Variants in MITF observed in about 807,000 individuals in gnomAD.
The protein encoded by MITF is melanocyte inducing transcription factor.
A neutral mutation model predicts 60.5 loss-of-function variants in MITF; 17 were observed. That is an observed-to-expected ratio of 0.28 (90% confidence interval 0.19 to 0.42). The LOEUF (loss-of-function observed/expected upper bound fraction) is 0.42. Among genes scored for constraint, MITF ranks in the 10% least tolerant of loss-of-function variants. The pLI is 1.00. For synonymous variants in MITF, 260 were observed against 248.5 expected (o/e 1.05, Z -0.43); for missense variants, 622 against 683.5 (o/e 0.91, Z 1.00).
At chr3:69,797,341 A>G (rs1267478136) in intron 1 of MITF, among the ~76,000 whole-genome samples, 1 of 152,224 alleles carries the variant, frequency 6.6e-6, no homozygotes, top group Non-Finnish European at 1.5e-5. Flanking sequence ...TCTACAAATC[A>G]TATAAATGAA....
intron 1 of MITF, among the ~76,000 whole-genome samples, chr3:69,773,547 G>C (rs547868395): frequency 5.3e-5 from 8 of 152,276 alleles, no homozygotes; most frequent in Admixed American, 6.5e-5. Context: ...AACAATGCTT[G>C]TGGGTTGGAT....
intron 3 of MITF, 71 bp downstream of exon 3, chr3:69,938,120 AC>A: frequency 6.7e-7 from 1 of 1,492,348 alleles, no homozygotes; most frequent in Non-Finnish European, 9.3e-7. Flanking sequence ...TGATTCCCAC[AC>A]TTAACTGTGG....
intron 1 of MITF, among the ~76,000 whole-genome samples, chr3:69,769,141 A>T (rs2062351447): frequency 6.6e-6 from 1 of 152,162 alleles, no homozygotes; most frequent in African/African-American, 2.4e-5. Context: ...TCTTTGTTGT[A>T]CTACTGTATG....
rs2066698127 is a variant in MITF at position 69,966,710 on chromosome 3, C to T, written c.*1462C>T. The T allele has an allele frequency of 4.3e-6, 1 of 232,858 alleles. No individual in the cohort carries two copies. The highest frequency in any genetic ancestry group is 2.2e-5 in the African/African-American group (1 of 45,324). The allele number at this position is 232,858 out of a possible 1,614,324, so 14.4% of individuals were successfully genotyped here. A position where few individuals can be genotyped will look rare whatever the true frequency, so the allele number is the denominator to read the frequency against. ...GCAATAACAGTAGTGTTACATGTAT[C>T]AAGCCTAGATGTTTTATACAGATGC... On this transcript the variant is annotated 3_prime_UTR_variant, in exon 10 of 10. Coordinates refer to ENST00000352241, the MANE Select transcript of MITF (RefSeq NM_001354604.2).
intron 1 of MITF, among the ~76,000 whole-genome samples, chr3:69,768,894 G>C (rs1233490035): frequency 6.6e-6 from 1 of 152,174 alleles, no homozygotes; most frequent in East Asian, 1.9e-4. Context: ...AATTTATTAG[G>C]ATGGTAATTG....
At chr3:69,749,209 C>G (rs1197572218) in intron 1 of MITF, among the ~76,000 whole-genome samples, 2 of 152,142 alleles carry the variant, frequency 1.3e-5, no homozygotes, top group Admixed American at 6.5e-5. Context: ...GCAGTGTGTC[C>G]TAAATTCGTA....
intron 1 of MITF, among the ~76,000 whole-genome samples, chr3:69,823,165 C>T (rs1384849421): frequency 4.6e-5 from 7 of 152,136 alleles, no homozygotes; most frequent in Non-Finnish European, 2.9e-5. Context: ...GGACATGAAC[C>T]GCTGCACTCG....
chr3:69,867,848 C>T (rs752483238), intron 1 of MITF, among the ~76,000 whole-genome samples: 2 of 152,146 alleles, frequency 1.3e-5, no homozygotes, highest in Admixed American at 6.5e-5. Flanking sequence ...AACTAAAATA[C>T]TTGTCGTAAG....
intron 2 of MITF, among the ~76,000 whole-genome samples, chr3:69,931,198 T>A (rs2065715099): frequency 6.6e-6 from 1 of 152,204 alleles, no homozygotes; most frequent in African/African-American, 2.4e-5. Flanking sequence ...GAGCACTAAT[T>A]CCGTTCTTTA....
At chr3:69,816,175 C>G (rs2063178631) in intron 1 of MITF, among the ~76,000 whole-genome samples, 1 of 152,130 alleles carries the variant, frequency 6.6e-6, no homozygotes, top group African/African-American at 2.4e-5. Flanking sequence ...TCTGCATATA[C>G]ACATTACTAT....
At chr3:69,743,108 T>A (rs1308197743) in intron 1 of MITF, among the ~76,000 whole-genome samples, 3 of 152,162 alleles carry the variant, frequency 2.0e-5, no homozygotes, top group Admixed American at 6.5e-5. Flanking sequence ...GATAATTCCT[T>A]GTTGTGGAGG....
chr3:69,818,538 T>A (rs763276022), intron 1 of MITF, among the ~76,000 whole-genome samples: 1 of 152,186 alleles, frequency 6.6e-6, no homozygotes, highest in Non-Finnish European at 1.5e-5. Context: ...ATTACTCACA[T>A]GCCCACCTTT....
chr3:69,923,858 T>A (rs2065524501), intron 2 of MITF, among the ~76,000 whole-genome samples: 2 of 152,214 alleles, frequency 1.3e-5, no homozygotes, highest in African/African-American at 4.8e-5. Context: ...TTTCAAAAAA[T>A]TTTAAATCTC....
At chr3:69,795,961 A>C (rs920754376) in intron 1 of MITF, among the ~76,000 whole-genome samples, 2 of 152,086 alleles carry the variant, frequency 1.3e-5, no homozygotes, top group African/African-American at 4.8e-5. Context: ...TATGAAGCAA[A>C]ATTTTAATCT....
chr3:69,911,528 A>G (rs1311602796), intron 2 of MITF, among the ~76,000 whole-genome samples: 1 of 152,242 alleles, frequency 6.6e-6, no homozygotes, highest in Non-Finnish European at 1.5e-5. Flanking sequence ...CAAAGTTGAT[A>G]AAAAGTAATA....
intron 1 of MITF, among the ~76,000 whole-genome samples, chr3:69,807,710 C>G (rs2063032329): frequency 6.6e-6 from 1 of 152,172 alleles, no homozygotes; most frequent in Admixed American, 6.5e-5. Context: ...TCAAAATGTT[C>G]TTTAAACAGC....
chr3:69,940,801 G>T (rs1482439756), intron 4 of MITF, among the ~76,000 whole-genome samples: 3 of 152,130 alleles, frequency 2.0e-5, no homozygotes, highest in Non-Finnish European at 4.4e-5. Context: ...TCCTGTTTAG[G>T]GCAGGCAGTT....
Position 69,949,168 on chromosome 3 carries a change from G to A in MITF, c.880G>A (p.Ala294Thr), listed in dbSNP as rs1559742541. 6.2e-7 allele frequency: 1 copy of A among 1,600,892 alleles called. No individual in the cohort carries two copies. The highest frequency in any genetic ancestry group is 8.6e-7 in the Non-Finnish European group (1 of 1,168,070). Reference sequence around the variant, plus strand: ...TCCCAACATAAAAAGGGAGCTCACAGGTAAACACCTAGTAAATGTGCCTCT... The same window carrying A: ...TCCCAACATAAAAAGGGAGCTCACAAGTAAACACCTAGTAAATGTGCCTCT... ...NLPNIKRELTACIFPTESEAR... is the reference protein window; with the variant it reads ...NLPNIKRELTTCIFPTESEAR... The change falls in exon 6 of 10, where the codon GCG (alanine) becomes ACG (threonine). Residue 294 changes from alanine (A) to threonine (T), a missense_variant and splice_region_variant. Transcript: ENST00000352241.
At chr3:69,924,286 A>G (rs1413353535) in intron 2 of MITF, among the ~76,000 whole-genome samples, 1 of 152,202 alleles carries the variant, frequency 6.6e-6, no homozygotes, top group Non-Finnish European at 1.5e-5. Context: ...TCCATAATCA[A>G]TTCATGCAAC....
Sources: gnomAD v4.1 joint callset for allele counts (sites outside exome capture counted in the v4.1 genomes callset) on GRCh38, gnomAD v4.1.1 for gene constraint, MANE v1.5 for transcripts, NCBI Gene and HGNC (gene_info 2026-07-23, HGNC 2026-07-21) for gene names.